LAMP5: variants seen among roughly 807,000 people sequenced by gnomAD.
The protein encoded by LAMP5 is lysosome-associated membrane glycoprotein 5.
LAMP5 carries 36 observed loss-of-function variants against 30.2 expected under a neutral mutation model. The observed-to-expected ratio is 1.19, with a 90% CI of 0.91 to 1.57. LAMP5 has a LOEUF of 1.57. Among genes scored for constraint, LAMP5 ranks in the 40% most tolerant of loss-of-function variants. The pLI is 0.00. For missense variants in LAMP5, 377 were observed against 354.9 expected (o/e 1.06, Z -0.50); for synonymous variants, 149 against 134.6 (o/e 1.11, Z -0.74).
In LAMP5 at chr20:9,515,635, CT is replaced by C. The variant is rs199767783; in HGVS notation, c.237+13del. 4.5e-3 allele frequency: 7,200 copies of C among 1,606,934 alleles called. 160 individuals are homozygous for C. The African/African-American group carries it at 0.062, about 14-fold the overall frequency. ...CAGCAACTACGTAGATGTAAGGAAT[CT>C]TTCCCCCCCCTCAGCTTGCTCCTAG... On this transcript the variant is annotated intron_variant, in intron 2 of 5. Transcript: ENST00000246070.
chr20:9,522,089 G>T (rs1443707647), intron 5 of LAMP5, among the ~76,000 whole-genome samples: 1 of 152,128 alleles, frequency 6.6e-6, no homozygotes, highest in African/African-American at 2.4e-5. Context: ...CCTGTCTTTG[G>T]GTATCAGAGG....
intron 4 of LAMP5, 85 bp from the exon 5 acceptor site, chr20:9,517,955 G>A (rs913497053): frequency 4.8e-6 from 6 of 1,237,650 alleles, no homozygotes; most frequent in Non-Finnish European, 6.9e-6. Context: ...GTGGTGTCTG[G>A]AACTGAGAGG....
intron 5 of LAMP5, among the ~76,000 whole-genome samples, chr20:9,528,467 A>AT (rs1487340019): frequency 6.6e-6 from 1 of 152,206 alleles, no homozygotes; most frequent in Non-Finnish European, 1.5e-5. Flanking sequence ...ACATTTCAAA[A>AT]TAGCCAGAAG....
At chr20:9,524,595 T>TAAAAAAAAAAAAAAAAAAAAAAA (rs748114210) in intron 5 of LAMP5, among the ~76,000 whole-genome samples, 1 of 82,222 alleles carries the variant, frequency 1.2e-5, no homozygotes, top group Non-Finnish European at 2.5e-5. Context: ...CAGATCGAAC[T>TAAAAAAAAAAAAAAAAAAAAAAA]AAAAAAAAAA....
Position 9,518,180 on chromosome 20 carries a change from G to T in LAMP5, c.616G>T (p.Val206Phe). ...QKTVTMILSA[V>F]HIQPFDIISD... ...GACGGTCACCATGATCCTGTCTGCGGTCCACATCCAACCTTTTGACATTAT... is the reference window on the plus strand; with the variant it reads ...GACGGTCACCATGATCCTGTCTGCGTTCCACATCCAACCTTTTGACATTAT... Residue 206 changes from valine to phenylalanine, a missense_variant, in exon 5 of 6, where the codon GTC (valine) becomes TTC (phenylalanine). By Grantham distance (50) the Val-to-Phe change is conservative (BLOSUM62 -1). Coordinates refer to ENST00000246070, the MANE Select transcript of LAMP5 (RefSeq NM_012261.4). The T allele has an allele frequency of 6.2e-7, 1 of 1,614,204 alleles. No individual in the cohort carries two copies. The highest frequency in any genetic ancestry group is 8.5e-7 in the Non-Finnish European group (1 of 1,180,032).
intron 4 of LAMP5, among the ~76,000 whole-genome samples, chr20:9,517,324 A>G (rs2045047711): frequency 6.6e-6 from 1 of 152,256 alleles, no homozygotes; most frequent in African/African-American, 2.4e-5. Flanking sequence ...CCAGAGGACC[A>G]GCAATCTGTC....
chr20:9,514,842 G>A lies in LAMP5; in HGVS notation c.-11G>A, dbSNP rs1401642231. ...AGCAGCACAGCCGGCCTCATTCGGG[G>A]CACTGCGAGTATGGATCTCCAAGGA... On this transcript the variant is annotated 5_prime_UTR_variant, in exon 1 of 6. Transcript: ENST00000246070. 1.2e-6 allele frequency: 2 copies of A among 1,613,902 alleles called. No homozygotes were observed. The highest frequency in any genetic ancestry group is 2.2e-5 in the East Asian group (1 of 44,874).
chr20:9,515,638 T>C lies in LAMP5; in HGVS notation c.237+13T>C, dbSNP rs759319579. On this transcript the variant is annotated intron_variant, in intron 2 of 5. Coordinates refer to ENST00000246070, the MANE Select transcript of LAMP5 (RefSeq NM_012261.4). ...CAACTACGTAGATGTAAGGAATCTTTCCCCCCCCTCAGCTTGCTCCTAGGG... is the reference window on the plus strand; with the variant it reads ...CAACTACGTAGATGTAAGGAATCTTCCCCCCCCCTCAGCTTGCTCCTAGGG... 2.3e-4 allele frequency: 363 copies of C among 1,603,322 alleles called. 1 individual carries two copies. In the Admixed American group the frequency reaches 2.6e-3, roughly 11 times the overall value.
At chr20:9,525,671 GAAGAC>G (rs1169482231) in intron 5 of LAMP5, among the ~76,000 whole-genome samples, 1 of 152,186 alleles carries the variant, frequency 6.6e-6, no homozygotes, top group Non-Finnish European at 1.5e-5. Flanking sequence ...AGAGAAAAGA[GAAGAC>G]ATGACTTTAC....
chr20:9,530,021 G>A lies in LAMP5; in HGVS notation c.*201G>A. ...TCTTTCGGATTTGTAGGGTGAAATGGCAATTATTCTCTCCATGCTGGGGAG... is the reference window on the plus strand; with the variant it reads ...TCTTTCGGATTTGTAGGGTGAAATGACAATTATTCTCTCCATGCTGGGGAG... On this transcript the variant is annotated 3_prime_UTR_variant, in exon 6 of 6. Coordinates refer to ENST00000246070, the MANE Select transcript of LAMP5 (RefSeq NM_012261.4). 4.1e-6 allele frequency: 2 copies of A among 492,886 alleles called. No homozygotes were observed. Among genetic ancestry groups the A allele is most frequent in the South Asian group, 3.8e-5 (1 of 25,992 alleles). 30.5% of individuals were successfully genotyped at this position (492,886 alleles called of 1,614,324 possible).
rs745628763 is a variant in LAMP5 at position 9,530,407 on chromosome 20, T to C, written c.*587T>C. Reference sequence around the variant, plus strand: ...GACTGCAGCACCAGAAAACGACTAATGTAACTATGCAGAGTTGTTTGGACT... The same window carrying C: ...GACTGCAGCACCAGAAAACGACTAACGTAACTATGCAGAGTTGTTTGGACT... On this transcript the variant is annotated 3_prime_UTR_variant, in exon 6 of 6. Transcript: ENST00000246070. 3 of 152,758 alleles carry C rather than the reference T, an allele frequency of 2.0e-5. No individual in the cohort carries two copies. Among genetic ancestry groups the C allele is most frequent in the Non-Finnish European group, 4.4e-5 (3 of 68,126 alleles). 9.5% of individuals were successfully genotyped at this position (152,758 alleles called of 1,614,324 possible).
At position 9,529,857 on chromosome 20, in the gene LAMP5, C is replaced by T. The variant is rs750835618; in HGVS notation, c.*37C>T. The T allele has an allele frequency of 1.9e-6, 3 of 1,596,844 alleles. No homozygotes were observed. The highest frequency in any genetic ancestry group is 1.7e-5 in the Admixed American group (1 of 59,716). On this transcript the variant is annotated 3_prime_UTR_variant, in exon 6 of 6. Transcript: ENST00000246070. ...CAGGCACCCCCTATTCCTGCTCCCC[C>T]AACTGGATCAGGTAGAACAACAAAA...
At chr20:9,528,255 C>T (rs2045126925) in intron 5 of LAMP5, among the ~76,000 whole-genome samples, 1 of 151,684 alleles carries the variant, frequency 6.6e-6, no homozygotes, top group Admixed American at 6.6e-5. Flanking sequence ...AATAGATTGA[C>T]CTCAGAGAGG....
At chr20:9,520,960 G>T (rs985866856) in intron 5 of LAMP5, among the ~76,000 whole-genome samples, 14 of 53,634 alleles carry the variant, frequency 2.6e-4, no homozygotes, top group Admixed American at 1.7e-3. Flanking sequence ...ACGCAGAGTT[G>T]GTTCACTTAG....
intron 5 of LAMP5, among the ~76,000 whole-genome samples, chr20:9,522,778 G>C (rs1603172150): frequency 6.6e-6 from 1 of 152,066 alleles, no homozygotes; most frequent in Non-Finnish European, 1.5e-5. Flanking sequence ...TATGGGACTG[G>C]TGAATGCCAA....
chr20:9,518,677 C>T (rs1000373734), intron 5 of LAMP5, among the ~76,000 whole-genome samples: 1 of 152,238 alleles, frequency 6.6e-6, no homozygotes, highest in African/African-American at 2.4e-5. Context: ...GTATTTAAGA[C>T]GTTAGTTAAT....
At position 9,515,619 on chromosome 20, in the gene LAMP5, C is replaced by G; in HGVS notation, c.231C>G (p.Tyr77Ter). ...IVPYDVWASN[Y>*]VDLITEQADI... ...CTTATGATGTGTGGGCCAGCAACTA[C>G]GTAGATGTAAGGAATCTTTCCCCCC... Residue 77 changes from tyrosine (Y) to a stop codon, truncating the protein, a stop_gained, in exon 2 of 6, where the codon TAC becomes TAG. Transcript: ENST00000246070. LOFTEE classifies it high-confidence loss of function. 1 of 1,612,108 alleles carries G rather than the reference C, an allele frequency of 6.2e-7. No homozygotes were observed. The highest frequency in any genetic ancestry group is 8.5e-7 in the Non-Finnish European group (1 of 1,179,582).
chr20:9,523,081 C>T (rs2045089836), intron 5 of LAMP5, among the ~76,000 whole-genome samples: 1 of 148,808 alleles, frequency 6.7e-6, no homozygotes, highest in Non-Finnish European at 1.5e-5. Flanking sequence ...GGTGATGCCA[C>T]TGTGCCTAGC....
At chr20:9,520,505 G>T (rs2045072219) in intron 5 of LAMP5, among the ~76,000 whole-genome samples, 3 of 152,250 alleles carry the variant, frequency 2.0e-5, no homozygotes, top group South Asian at 2.1e-4. Context: ...CATGTGAGTG[G>T]AGTATGCTTG....
Sources: gnomAD v4.1 joint callset for allele counts (sites outside exome capture counted in the v4.1 genomes callset) on GRCh38, gnomAD v4.1.1 for gene constraint, MANE v1.5 for transcripts, NCBI Gene and HGNC (gene_info 2026-07-23, HGNC 2026-07-21) for gene names.